Variants in RAD51D observed in about 807,000 individuals in gnomAD.
RAD51D encodes RAD51 paralog D.
A neutral mutation model predicts 44.1 loss-of-function variants in RAD51D; 38 were observed. The observed-to-expected ratio is 0.86, with a 90% CI of 0.67 to 1.13. RAD51D has a LOEUF of 1.13. RAD51D is among the 50% of genes most tolerant of loss of function. The pLI, the probability that RAD51D is intolerant of heterozygous loss-of-function variation, is 0.00. For missense variants in RAD51D, 390 were observed against 414.0 expected, an observed-to-expected ratio of 0.94 and a Z score of 0.50; for synonymous variants, 141 against 166.6, an observed-to-expected ratio of 0.85 and a Z score of 1.18.
rs2142419364 is a variant in RAD51D at position 35,103,374 on chromosome 17, G to A, written c.668-50C>T. The A allele has an allele frequency of 6.2e-7, 1 of 1,610,168 alleles. No homozygotes were observed. Among genetic ancestry groups the A allele is most frequent in the South Asian group, 1.1e-5 (1 of 90,952 alleles). Reference sequence around the variant, plus strand: ...GGGAGGGCAGTGGGGAACCAGGGATGGGGCTGGCCAGAGACCAGACTCCAG... The same window carrying A: ...GGGAGGGCAGTGGGGAACCAGGGATAGGGCTGGCCAGAGACCAGACTCCAG... On this transcript the variant is annotated intron_variant, in intron 7 of 9. Transcript: ENST00000345365. This position sits in a 1 kb window ranked among gnomAD's most constrained non-coding sequence, Gnocchi z 4.1.
intron 3 of RAD51D, among the ~76,000 whole-genome samples, chr17:35,109,506 T>C: frequency 6.6e-6 from 1 of 152,190 alleles, no homozygotes; most frequent in Non-Finnish European, 1.5e-5. Flanking sequence ...GCTATGCCAT[T>C]TTACATATCC....
At position 35,094,707 on chromosome 17, in the gene RAD51D, CAT is replaced by C. The variant is rs1178414592; in HGVS notation, c.*6244_*6245del. 3.3e-5 allele frequency: 5 copies of C among 152,222 alleles called. No individual in the cohort carries two copies. The highest frequency in any genetic ancestry group is 1.2e-4 in the African/African-American group (5 of 41,448). 9.4% of individuals were successfully genotyped at this position (152,222 alleles called of 1,614,324 possible). On this transcript the variant is annotated 3_prime_UTR_variant, in exon 10 of 10. Transcript: ENST00000345365. ...AAAAATGGGTTTGGTATCAGGCAGACATGTGTCTGGATTCCCGTGCTGCCACT... is the reference window on the plus strand; with the variant it reads ...AAAAATGGGTTTGGTATCAGGCAGACGTGTCTGGATTCCCGTGCTGCCACT...
At chr17:35,108,257 AAAC>A (rs758245231) in intron 3 of RAD51D, among the ~76,000 whole-genome samples, 192 of 151,794 alleles carry the variant, frequency 1.3e-3, no homozygotes, top group Non-Finnish European at 1.7e-3. Context: ...AAAACAAAAC[AAAC>A]AACAACAACA....
chr17:35,111,571 A>G (rs1437046124), intron 3 of RAD51D, among the ~76,000 whole-genome samples: 3 of 152,066 alleles, frequency 2.0e-5, no homozygotes, highest in Non-Finnish European at 4.4e-5. Context: ...GTCTCAAAAA[A>G]AAAAAAATTA....
At position 35,119,592 on chromosome 17, in the gene RAD51D, G is replaced by A. The variant is rs876659203; in HGVS notation, c.22C>T (p.Leu8=). 6 of 1,612,142 alleles carry A rather than the reference G, an allele frequency of 3.7e-6. No homozygotes were observed. The highest frequency in any genetic ancestry group is 2.7e-5 in the African/African-American group (2 of 74,920). MGVLRVG[L]CPGLTEEMIQ... ...ATCTCCTCGGTAAGGCCAGGGCACA[G>A]TCCGACCCTGAGCACGCCCATGTTC... Residue 8 remains leucine (L), a synonymous_variant, in exon 1 of 10, where the codon CTG becomes TTG. Transcript: ENST00000345365.
rs2142429681 is a variant in RAD51D at position 35,106,475 on chromosome 17, C to T, written c.487G>A (p.Ala163Thr). ...TGCACCACCTGGATCCTCCGGAGAG[C>T]TTCTGCCTGAAGCGGTGGAAAAGAA... ...KTQDEEEQAE[A>T]LRRIQVVHAF... The change falls in exon 6 of 10, where the codon GCT (alanine) becomes ACT (threonine). Residue 163 changes from alanine (A) to threonine (T), a missense_variant. Coordinates refer to ENST00000345365, the MANE Select transcript of RAD51D (RefSeq NM_002878.4). 1 of 1,611,962 alleles carries T rather than the reference C, an allele frequency of 6.2e-7. No individual in the cohort carries two copies. The highest frequency in any genetic ancestry group is 8.5e-7 in the Non-Finnish European group (1 of 1,178,940).
rs201676898 is a variant in RAD51D at position 35,107,055 on chromosome 17, T to C, written c.413A>G (p.Asn138Ser). 9.2e-5 allele frequency: 148 copies of C among 1,614,130 alleles called. No homozygotes were observed. The highest frequency in any genetic ancestry group is 8.7e-4 in the Admixed American group (52 of 60,014). The change falls in exon 5 of 10, where the codon AAT becomes AGT. Residue 138 changes from asparagine to serine, a missense_variant. By Grantham distance (46) the Asn-to-Ser change is conservative. Transcript: ENST00000345365. ...GAGGCGGGAAGCTGTCAGCCCTCCATTGGAATCTACATATAGGACGTTTTG... is the reference window on the plus strand; with the variant it reads ...GAGGCGGGAAGCTGTCAGCCCTCCACTGGAATCTACATATAGGACGTTTTG... ...LQQNVLYVDS[N>S]GGLTASRLLQ...
At chr17:35,113,945 G>C (rs1412233376) in intron 3 of RAD51D, among the ~76,000 whole-genome samples, 5 of 152,174 alleles carry the variant, frequency 3.3e-5, no homozygotes, top group Admixed American at 3.3e-4. Flanking sequence ...CATTAGACTA[G>C]AGTAGTTAGT....
At chr17:35,114,144 C>T (rs1028271243) in intron 3 of RAD51D, among the ~76,000 whole-genome samples, 7 of 151,950 alleles carry the variant, frequency 4.6e-5, no homozygotes, top group Non-Finnish European at 7.4e-5. Flanking sequence ...TGGTGGCGGG[C>T]GCCTGTAGTC....
chr17:35,098,344 C>T lies in RAD51D; in HGVS notation c.*2609G>A, dbSNP rs2091501438. 6.6e-6 allele frequency: 1 copy of T among 151,934 alleles called. No homozygotes were observed. Among genetic ancestry groups the T allele is most frequent in the African/African-American group, 2.4e-5 (1 of 41,360 alleles). 9.4% of individuals were successfully genotyped at this position (151,934 alleles called of 1,614,324 possible). On this transcript the variant is annotated 3_prime_UTR_variant, in exon 10 of 10. Coordinates refer to ENST00000345365, the MANE Select transcript of RAD51D (RefSeq NM_002878.4). ...CTGCCTCCTGGGCTCAAGTGATCCT[C>T]CCCACTCAGCCTCTCGAGGAGCTGG...
rs28363292 is a variant in RAD51D, at chr17:35,100,823, T to G, written c.*130A>C. On this transcript the variant is annotated 3_prime_UTR_variant, in exon 10 of 10. Coordinates refer to ENST00000345365, the MANE Select transcript of RAD51D (RefSeq NM_002878.4). ...GAGAGTGAGGCCAAGGAACCCAAGATGTCTCTTCTGGCCAGCCTGAGAACG... is the reference window on the plus strand; with the variant it reads ...GAGAGTGAGGCCAAGGAACCCAAGAGGTCTCTTCTGGCCAGCCTGAGAACG... 7.4e-3 allele frequency: 5,850 copies of G among 785,936 alleles called. 177 individuals are homozygous for G. The East Asian group carries it at 0.09, about 12-fold the overall frequency. The allele number at this position is 785,936 out of a possible 1,614,324, so 48.7% of individuals were successfully genotyped here. A position where few individuals can be genotyped will look rare whatever the true frequency, so the allele number is the denominator to read the frequency against.
chr17:35,107,174 G>A (rs1216602692), intron 4 of RAD51D, 52 bp from the exon 5 acceptor site: 1 of 1,607,986 alleles, frequency 6.2e-7, no homozygotes, highest in Non-Finnish European at 8.5e-7. Context: ...GGTCCAGATG[G>A]GAGCTCCCCA....
intron 6 of RAD51D, among the ~76,000 whole-genome samples, chr17:35,105,435 T>C (rs2091588611): frequency 6.6e-6 from 1 of 152,214 alleles, no homozygotes; most frequent in Admixed American, 6.5e-5. Context: ...GGATTACAGG[T>C]GTGGGCCACC....
At chr17:35,112,597 C>T (rs568835075) in intron 3 of RAD51D, among the ~76,000 whole-genome samples, 3 of 152,228 alleles carry the variant, frequency 2.0e-5, no homozygotes, top group East Asian at 1.9e-4. Context: ...AGGCTGGTCT[C>T]GAACTCCTGA....
At chr17:35,114,643 T>C (rs2091716318) in intron 3 of RAD51D, among the ~76,000 whole-genome samples, 1 of 151,708 alleles carries the variant, frequency 6.6e-6, no homozygotes, top group African/African-American at 2.4e-5. Flanking sequence ...TGAACTATGA[T>C]TGTGCACCAC....
chr17:35,113,369 A>G (rs2091700490), intron 3 of RAD51D, among the ~76,000 whole-genome samples: 1 of 152,134 alleles, frequency 6.6e-6, no homozygotes, highest in African/African-American at 2.4e-5. Context: ...CTCGGGTTCA[A>G]ACAATTCTCC....
intron 3 of RAD51D, among the ~76,000 whole-genome samples, chr17:35,113,196 C>A (rs8071290): frequency 0.036 from 5,516 of 152,278 alleles, 240 homozygotes; most frequent in African/African-American, 0.097. Flanking sequence ...AGGTTCCAGT[C>A]CTTGAGATGG....
intron 3 of RAD51D, chr17:35,116,738 C>T: frequency 2.7e-6 from 2 of 737,294 alleles, no homozygotes; most frequent in Non-Finnish European, 2.3e-6. Context: ...TCATGATCCG[C>T]CCACCTCAGC....
Position 35,100,988 on chromosome 17 carries a change from C to T in RAD51D, c.952G>A (p.Glu318Lys), listed in dbSNP as rs876658737. The T allele has an allele frequency of 1.2e-6, 2 of 1,613,766 alleles. No homozygotes were observed. Among genetic ancestry groups the T allele is most frequent in the South Asian group, 2.2e-5 (2 of 91,076 alleles). ...MVDIGTWGTSEQSATLQGDQT is the reference protein window; with the variant it reads ...MVDIGTWGTSKQSATLQGDQT ...TCACCCTGTAATGTGGCACTCTGCT[C>T]TGAGGTCCCCCAGGTCCCAATGTCT... Residue 318 changes from glutamate (E) to lysine (K), a missense_variant, in exon 10 of 10, where the codon GAG (glutamate) becomes AAG (lysine). Transcript: ENST00000345365.
Sources: allele counts gnomAD v4.1 joint callset (sites outside exome capture counted in the v4.1 genomes callset), GRCh38; gene constraint gnomAD v4.1.1; non-coding constraint Gnocchi (gnomAD v3.1); transcripts MANE v1.5; gene names NCBI Gene and HGNC (gene_info 2026-07-23, HGNC 2026-07-21).